KRABD3: variants seen among roughly 807,000 people sequenced by gnomAD.
KRABD3 encodes the protein KRAB domain containing 3.
At chr7:149,727,793 C>T in the KRABD3 span, among the ~76,000 whole-genome samples, 2 of 152,180 alleles carry the variant, frequency 1.3e-5, no homozygotes, top group African/African-American at 4.8e-5. Context: ...ACTCAGCGAA[C>T]GTGCTGTGGA....
chr7:149,724,888 T>G, the KRABD3 span: 1 of 1,483,256 alleles, frequency 6.7e-7, no homozygotes, highest in Admixed American at 2.1e-5. Flanking sequence ...GTCTTCCCCA[T>G]GGGCTTGTCA....
the KRABD3 span, chr7:149,724,898 AGTCCCTGGCAAG>A: frequency 1.4e-6 from 2 of 1,443,532 alleles, no homozygotes; most frequent in Non-Finnish European, 1.8e-6. Flanking sequence ...TGGGCTTGTC[AGTCCCTGGCAAG>A]GTTCCACTAA....
the KRABD3 span, among the ~76,000 whole-genome samples, chr7:149,725,061 T>C: frequency 6.6e-6 from 1 of 152,232 alleles, no homozygotes; most frequent in Non-Finnish European, 1.5e-5. Context: ...CAGTGATTCC[T>C]GGCCCTGAAA....
the KRABD3 span, among the ~76,000 whole-genome samples, chr7:149,727,914 C>T: frequency 6.6e-6 from 1 of 152,238 alleles, no homozygotes; most frequent in Non-Finnish European, 1.5e-5. Context: ...CCCTCCCGCC[C>T]TGTGCCTGGG....
At chr7:149,725,565 C>T in the KRABD3 span, 1 of 1,391,058 alleles carries the variant, frequency 7.2e-7, no homozygotes, top group Non-Finnish European at 9.6e-7. Context: ...ACTGTCGGGT[C>T]ATTGTGTTCC....
At chr7:149,722,825 G>A in the KRABD3 span, 1 of 1,612,164 alleles carries the variant, frequency 6.2e-7, no homozygotes, top group South Asian at 1.1e-5. Flanking sequence ...CTCATCAACT[G>A]TCTGAAGGAA....
the KRABD3 span, chr7:149,729,260 A>G: frequency 1.2e-6 from 2 of 1,604,406 alleles, no homozygotes; most frequent in African/African-American, 2.7e-5. Flanking sequence ...CGGAGCCTCC[A>G]TCTGGTCAGC....
chr7:149,723,204 G>A, the KRABD3 span, among the ~76,000 whole-genome samples: 42 of 152,186 alleles, frequency 2.8e-4, no homozygotes, highest in African/African-American at 8.0e-4. Flanking sequence ...CTTGGGACCC[G>A]AGGGGAAGAG....
the KRABD3 span, chr7:149,715,399 G>T: frequency 9.1e-7 from 1 of 1,099,894 alleles, no homozygotes; most frequent in Non-Finnish European, 1.1e-6. Context: ...GATCCCGGGG[G>T]CTGGGGACGT....
the KRABD3 span, chr7:149,720,115 G>A: frequency 1.3e-6 from 2 of 1,552,134 alleles, no homozygotes; most frequent in Non-Finnish European, 1.7e-6. Context: ...TGCTGGTTGT[G>A]GAGATCCCCA....
the KRABD3 span, chr7:149,728,729 C>T: frequency 3.8e-6 from 6 of 1,572,172 alleles, no homozygotes; most frequent in South Asian, 4.6e-5. Context: ...TGAGGATGCC[C>T]TAGGCGCTGC....
the KRABD3 span, chr7:149,733,705 C>T: frequency 9.5e-6 from 15 of 1,581,388 alleles, no homozygotes; most frequent in African/African-American, 2.7e-5. Flanking sequence ...TGCCTCCAGA[C>T]GCTCCCCCGG....
chr7:149,730,693 C>T, the KRABD3 span: 23 of 1,231,948 alleles, frequency 1.9e-5, no homozygotes, highest in African/African-American at 6.1e-5. Flanking sequence ...GCACATTGGC[C>T]GTGCTTTAGT....
At chr7:149,719,529 G>A in the KRABD3 span, 14,234 of 1,553,112 alleles carry the variant, frequency 9.2e-3, 109 homozygotes, top group Non-Finnish European at 0.01. The surrounding 1 kb of genome is among the most constrained non-coding windows in gnomAD (Gnocchi z 5.6). Context: ...CAACCCCCCC[G>A]GAGACTGTGC....
the KRABD3 span, chr7:149,722,385 G>C: frequency 6.3e-7 from 1 of 1,578,618 alleles, no homozygotes; most frequent in Non-Finnish European, 8.6e-7. Context: ...GTCTGGAGCT[G>C]GGGCTAGAAA....
the KRABD3 span, chr7:149,723,720 TC>T: frequency 6.5e-7 from 1 of 1,530,576 alleles, no homozygotes; most frequent in Non-Finnish European, 8.7e-7. Context: ...GAAAACATGT[TC>T]CTTTTTCCTT....
At chr7:149,725,704 A>G in the KRABD3 span, among the ~76,000 whole-genome samples, 1 of 152,202 alleles carries the variant, frequency 6.6e-6, no homozygotes, top group Non-Finnish European at 1.5e-5. Flanking sequence ...AACTCTCTCC[A>G]GTCACGAGAC....
the KRABD3 span, chr7:149,725,366 G>A: frequency 1.9e-6 from 3 of 1,606,040 alleles, no homozygotes; most frequent in Non-Finnish European, 1.7e-6. Context: ...TGTCTGAAGG[G>A]CATTCCCCCA....
At chr7:149,723,662 C>T in the KRABD3 span, 4 of 1,495,080 alleles carry the variant, frequency 2.7e-6, no homozygotes, top group Admixed American at 1.9e-5. Context: ...TCTAACTTGT[C>T]CCCTGTTTGT....
Sources: gnomAD v4.1 joint callset for allele counts (sites outside exome capture counted in the v4.1 genomes callset) on GRCh38, gnomAD v4.1.1 for gene constraint, Gnocchi (gnomAD v3.1) non-coding constraint, MANE v1.5 for transcripts, NCBI Gene and HGNC (gene_info 2026-07-23, HGNC 2026-07-21) for gene names.